Variants in BLTP3B observed in about 807,000 individuals in gnomAD.
BLTP3B encodes bridge-like lipid transfer protein family member 3B, also known as UHRF1 (ICBP90) binding protein 1-like.
the BLTP3B span, among the ~76,000 whole-genome samples, chr12:100,071,161 T>A: frequency 6.6e-6 from 1 of 151,938 alleles, no homozygotes; most frequent in Non-Finnish European, 1.5e-5. Flanking sequence ...GCTAGCATGA[T>A]GAAAAAGGTA....
chr12:100,123,178 A>AT, the BLTP3B span, among the ~76,000 whole-genome samples: 3,306 of 152,250 alleles, frequency 0.022, 43 homozygotes, highest in African/African-American at 0.034. Flanking sequence ...GATTAAAGGT[A>AT]TTGTACATTC....
At chr12:100,097,632 C>T in the BLTP3B span, 7 of 1,064,396 alleles carry the variant, frequency 6.6e-6, no homozygotes, top group East Asian at 1.9e-4. Context: ...GATATATTCA[C>T]CATGTTTTTA....
the BLTP3B span, among the ~76,000 whole-genome samples, chr12:100,109,040 C>T: frequency 6.6e-5 from 10 of 152,118 alleles, no homozygotes; most frequent in Non-Finnish European, 1.0e-4. Context: ...TAATTGTAAT[C>T]CCCACATGTC....
chr12:100,112,561 A>C, the BLTP3B span, among the ~76,000 whole-genome samples: 3 of 152,052 alleles, frequency 2.0e-5, no homozygotes, highest in Non-Finnish European at 4.4e-5. Context: ...TTCCAAGCAA[A>C]TGAAAAAAGT....
the BLTP3B span, among the ~76,000 whole-genome samples, chr12:100,046,431 A>G: frequency 6.6e-6 from 1 of 152,180 alleles, no homozygotes; most frequent in Non-Finnish European, 1.5e-5. Flanking sequence ...TTGCAGGGAC[A>G]TGGATGAAGC....
the BLTP3B span, among the ~76,000 whole-genome samples, chr12:100,118,636 T>A: frequency 6.6e-6 from 1 of 152,168 alleles, no homozygotes; most frequent in Non-Finnish European, 1.5e-5. Flanking sequence ...GAATGTAAAA[T>A]GCTAATAGTA....
At chr12:100,054,028 A>C in the BLTP3B span, among the ~76,000 whole-genome samples, 10 of 152,180 alleles carry the variant, frequency 6.6e-5, no homozygotes, top group African/African-American at 2.4e-4. Context: ...ACTTTTTAAG[A>C]TCCTAAAAAT....
the BLTP3B span, among the ~76,000 whole-genome samples, chr12:100,054,604 G>A: frequency 6.6e-6 from 1 of 152,094 alleles, no homozygotes; most frequent in East Asian, 1.9e-4. Flanking sequence ...AGGGGGCACG[G>A]GGGAACTAGA....
At chr12:100,103,679 ATACCAATT>A in the BLTP3B span, among the ~76,000 whole-genome samples, 131 of 152,308 alleles carry the variant, frequency 8.6e-4, no homozygotes, top group Non-Finnish European at 1.7e-3. Context: ...ATAAAATACT[ATACCAATT>A]TAGAACACAG....
At chr12:100,089,172 G>T in the BLTP3B span, 2 of 1,264,946 alleles carry the variant, frequency 1.6e-6, no homozygotes, top group Non-Finnish European at 2.1e-6. Context: ...AGTATTTTCA[G>T]TCGAAAGTCA....
chr12:100,110,400 C>T, the BLTP3B span, among the ~76,000 whole-genome samples: 8 of 152,264 alleles, frequency 5.3e-5, no homozygotes, highest in Admixed American at 1.3e-4. Flanking sequence ...TTCAATACCA[C>T]GACGCTTTCT....
At chr12:100,115,278 C>T in the BLTP3B span, among the ~76,000 whole-genome samples, 137 of 152,124 alleles carry the variant, frequency 9.0e-4, no homozygotes, top group African/African-American at 3.1e-3. Context: ...TGGTGGCAGG[C>T]GCCTGTAATC....
At chr12:100,097,894 T>G in the BLTP3B span, among the ~76,000 whole-genome samples, 2 of 152,154 alleles carry the variant, frequency 1.3e-5, no homozygotes, top group South Asian at 4.1e-4. Flanking sequence ...CATTAAAATG[T>G]GCACATTTTA....
the BLTP3B span, among the ~76,000 whole-genome samples, chr12:100,081,094 T>C: frequency 6.6e-6 from 1 of 152,140 alleles, no homozygotes; most frequent in African/African-American, 2.4e-5. Flanking sequence ...TTGCTCCTCC[T>C]TGCCTTCCGC....
chr12:100,128,557 AG>A, the BLTP3B span: 2 of 1,179,006 alleles, frequency 1.7e-6, no homozygotes, highest in Admixed American at 3.5e-5. Flanking sequence ...AAAAAAAAAA[AG>A]CATGGGGAAT....
At chr12:100,096,079 C>G in the BLTP3B span, among the ~76,000 whole-genome samples, 1 of 152,030 alleles carries the variant, frequency 6.6e-6, no homozygotes. Flanking sequence ...TGGTAGAAAC[C>G]CTGTCGCTAC....
the BLTP3B span, among the ~76,000 whole-genome samples, chr12:100,044,446 C>T: frequency 6.6e-6 from 1 of 152,114 alleles, no homozygotes; most frequent in Non-Finnish European, 1.5e-5. Flanking sequence ...ATGTCATTCC[C>T]TCAACTGGCT....
the BLTP3B span, among the ~76,000 whole-genome samples, chr12:100,104,738 G>A: frequency 1.3e-5 from 2 of 151,660 alleles, no homozygotes; most frequent in Admixed American, 6.6e-5. Flanking sequence ...GCCTCCAAAA[G>A]GCTCTTAGAT....
chr12:100,142,694 T>C, the BLTP3B span: 1 of 1,568,864 alleles, frequency 6.4e-7, no homozygotes, highest in Non-Finnish European at 8.6e-7. Context: ...CCTCTCTTCG[T>C]GGCCGTCTCC....
Sources: gnomAD v4.1 joint callset for allele counts (sites outside exome capture counted in the v4.1 genomes callset) on GRCh38, gnomAD v4.1.1 for gene constraint, MANE v1.5 for transcripts, NCBI Gene and HGNC (gene_info 2026-07-23, HGNC 2026-07-21) for gene names.